PDE4B: variants seen among roughly 807,000 people sequenced by gnomAD.
PDE4B encodes the protein 3',5'-cyclic-AMP phosphodiesterase 4B.
A neutral mutation model predicts 82.2 loss-of-function variants in PDE4B; 20 were observed. That is an observed-to-expected ratio of 0.24 (90% CI 0.17 to 0.35). PDE4B has a LOEUF of 0.35. Among genes scored for constraint, PDE4B ranks in the 10% least tolerant of loss-of-function variants. The pLI is 1.00. For missense variants in PDE4B, 655 were observed against 907.2 expected (o/e 0.72, Z 3.57); for synonymous variants, 320 against 318.9 (o/e 1.00, Z -0.04).
chr1:66,197,306 G>A (rs1031871558), intron 3 of PDE4B, among the ~76,000 whole-genome samples: 2 of 151,946 alleles, frequency 1.3e-5, no homozygotes, highest in African/African-American at 2.4e-5. Context: ...AAAAGGGATC[G>A]TGTCTAATTG....
At chr1:66,269,526 G>A (rs1233973381) in intron 7 of PDE4B, among the ~76,000 whole-genome samples, 1 of 152,152 alleles carries the variant, frequency 6.6e-6, no homozygotes, top group East Asian at 1.9e-4. Context: ...AATAGAAAAA[G>A]AAAGAAAACT....
At chr1:65,914,984 T>C (rs2100464728) in intron 2 of PDE4B, among the ~76,000 whole-genome samples, 1 of 152,342 alleles carries the variant, frequency 6.6e-6, no homozygotes. Context: ...TACAGTGCAA[T>C]ACAAAGCATT....
At chr1:66,095,668 T>C (rs535000522) in intron 3 of PDE4B, among the ~76,000 whole-genome samples, 1 of 152,090 alleles carries the variant, frequency 6.6e-6, no homozygotes, top group Middle Eastern at 3.4e-3. Context: ...CTCTATGATA[T>C]ATGATGTCAT....
intron 3 of PDE4B, among the ~76,000 whole-genome samples, chr1:66,098,258 C>A (rs1257017853): frequency 2.6e-5 from 4 of 152,106 alleles, no homozygotes; most frequent in African/African-American, 9.7e-5. Context: ...CTTGTTCTTG[C>A]AATTATAGCC....
intron 1 of PDE4B, among the ~76,000 whole-genome samples, chr1:65,802,706 C>A (rs906184598): frequency 6.6e-6 from 1 of 150,704 alleles, no homozygotes; most frequent in African/African-American, 2.4e-5. Flanking sequence ...AATTTGTAAT[C>A]TGGAGATTTC....
intron 6 of PDE4B, among the ~76,000 whole-genome samples, chr1:66,262,788 C>T (rs1437854456): frequency 3.9e-5 from 6 of 152,180 alleles, no homozygotes; most frequent in African/African-American, 1.4e-4. Flanking sequence ...AGCTTCCACA[C>T]AGAGATGCTT....
At chr1:66,258,768 T>A (rs1654455484) in intron 6 of PDE4B, among the ~76,000 whole-genome samples, 1 of 152,244 alleles carries the variant, frequency 6.6e-6, no homozygotes, top group African/African-American at 2.4e-5. Flanking sequence ...TGTGAAGTTA[T>A]TTTTCAGTCC....
At chr1:66,050,135 C>T (rs544379724) in intron 3 of PDE4B, among the ~76,000 whole-genome samples, 16 of 152,164 alleles carry the variant, frequency 1.1e-4, no homozygotes, top group Middle Eastern at 6.8e-3. Flanking sequence ...AGGATATACA[C>T]TGTTGTCTAA....
intron 9 of PDE4B, among the ~76,000 whole-genome samples, chr1:66,360,124 C>T (rs1662635327): frequency 6.6e-6 from 1 of 152,042 alleles, no homozygotes; most frequent in African/African-American, 2.4e-5. Flanking sequence ...CTGTATTTTT[C>T]TGAAGTTTCC....
At chr1:66,250,183 C>T (rs1055377277) in intron 4 of PDE4B, among the ~76,000 whole-genome samples, 1 of 152,106 alleles carries the variant, frequency 6.6e-6, no homozygotes, top group Non-Finnish European at 1.5e-5. Context: ...ACAGCAGCTC[C>T]CCACACTTCC....
chr1:66,118,792 A>G (rs1490935584), intron 3 of PDE4B, among the ~76,000 whole-genome samples: 1 of 152,100 alleles, frequency 6.6e-6, no homozygotes, highest in East Asian at 1.9e-4. Flanking sequence ...GAGTAAGTAC[A>G]GTCCTTCCTT....
At chr1:65,906,401 C>T (rs1282391955) in intron 1 of PDE4B, among the ~76,000 whole-genome samples, 2 of 152,044 alleles carry the variant, frequency 1.3e-5, no homozygotes, top group Non-Finnish European at 2.9e-5. Context: ...GATTTGAATA[C>T]AGGGATTTTT....
At chr1:66,151,583 G>A (rs985876245) in intron 3 of PDE4B, among the ~76,000 whole-genome samples, 2 of 151,988 alleles carry the variant, frequency 1.3e-5, no homozygotes, top group East Asian at 1.9e-4. Context: ...GCCTTTATTC[G>A]TTTCTTCTCC....
intron 7 of PDE4B, among the ~76,000 whole-genome samples, chr1:66,270,968 CCA>C (rs1452773599): frequency 1.3e-5 from 2 of 152,194 alleles, no homozygotes; most frequent in Non-Finnish European, 2.9e-5. Context: ...CAGAAAAGCC[CCA>C]GTTATTTTGA....
chr1:66,204,067 A>G (rs1242405313), intron 3 of PDE4B, among the ~76,000 whole-genome samples: 2 of 151,956 alleles, frequency 1.3e-5, no homozygotes, highest in South Asian at 4.2e-4. Context: ...CTTCTAACAG[A>G]CAGGACCCTC....
At chr1:66,101,588 A>T (rs1283472757) in intron 3 of PDE4B, among the ~76,000 whole-genome samples, 2 of 152,126 alleles carry the variant, frequency 1.3e-5, no homozygotes, top group East Asian at 3.9e-4. Flanking sequence ...GCCAGTGATG[A>T]TGAGCATTTT....
chr1:66,352,139 G>A (rs1001791700), intron 8 of PDE4B, among the ~76,000 whole-genome samples: 2 of 152,112 alleles, frequency 1.3e-5, no homozygotes, highest in Admixed American at 1.3e-4. Context: ...AACAGTTGTT[G>A]CTAAGCAACA....
chr1:66,232,013 G>T (rs563147701), intron 3 of PDE4B, among the ~76,000 whole-genome samples: 1 of 152,294 alleles, frequency 6.6e-6, no homozygotes, highest in Non-Finnish European at 1.5e-5. Flanking sequence ...TGTCCAGCCC[G>T]ATGAAGGGCA....
intron 3 of PDE4B, among the ~76,000 whole-genome samples, chr1:66,233,045 T>C (rs1192800344): frequency 1.3e-5 from 2 of 152,158 alleles, no homozygotes; most frequent in East Asian, 3.8e-4. Context: ...CAGACACATA[T>C]ACATTTATGA....
Sources: gnomAD v4.1 joint callset for allele counts (sites outside exome capture counted in the v4.1 genomes callset) on GRCh38, gnomAD v4.1.1 for gene constraint, MANE v1.5 for transcripts, NCBI Gene and HGNC (gene_info 2026-07-23, HGNC 2026-07-21) for gene names.